The following PREX1 variants were observed in gnomAD, a reference collection of about 807,000 sequenced individuals.
PREX1 encodes the protein phosphatidylinositol 3,4,5-trisphosphate-dependent Rac exchanger 1 protein.
In PREX1, 41 loss-of-function variants were observed where a neutral mutation model predicts 198.3. That is an observed-to-expected ratio of 0.21 (90% CI 0.16 to 0.27). The LOEUF (loss-of-function observed/expected upper bound fraction) is 0.27, where lower values mean the gene tolerates loss of function less well. Among genes scored for constraint, PREX1 ranks in the 10% least tolerant of loss-of-function variants. The pLI, the probability that PREX1 is intolerant of heterozygous loss-of-function variation, is 1.00. For synonymous variants in PREX1, 843 were observed against 887.2 expected, an observed-to-expected ratio of 0.95 and a Z score of 0.89; for missense variants, 1,620 against 2,200.7, an observed-to-expected ratio of 0.74 and a Z score of 5.28.
At chr20:48,860,554 A>G in the PREX1 span, among the ~76,000 whole-genome samples, 1 of 152,218 alleles carries the variant, frequency 6.6e-6, no homozygotes, top group African/African-American at 2.4e-5. Context: ...CACAACTAAA[A>G]ATTCCTTAAA....
At chr20:48,764,759 G>A (rs1350820503) in intron 1 of PREX1, among the ~76,000 whole-genome samples, 2 of 146,934 alleles carry the variant, frequency 1.4e-5, no homozygotes, top group Non-Finnish European at 3.0e-5. Flanking sequence ...TCCAACCTGG[G>A]AGACAGAGCA....
intron 1 of PREX1, among the ~76,000 whole-genome samples, chr20:48,771,082 C>T (rs2090233340): frequency 6.6e-6 from 1 of 152,124 alleles, no homozygotes; most frequent in South Asian, 2.1e-4. Flanking sequence ...ATCACACATT[C>T]TGACAGTGCC....
At chr20:48,673,121 G>A (rs1287566751) in intron 14 of PREX1, among the ~76,000 whole-genome samples, 1 of 152,166 alleles carries the variant, frequency 6.6e-6, no homozygotes, top group Non-Finnish European at 1.5e-5. Context: ...AGCTGACAAG[G>A]AGCGGACTCT....
At chr20:48,753,569 T>C (rs1378526074) in intron 1 of PREX1, among the ~76,000 whole-genome samples, 1 of 152,018 alleles carries the variant, frequency 6.6e-6, no homozygotes, top group Non-Finnish European at 1.5e-5. Context: ...AGTGACAAGG[T>C]CAAGAAATCC....
At position 48,730,075 on chromosome 20, in the gene PREX1, G is replaced by C. The variant is rs558253499; in HGVS notation, c.520-3684C>G. Among the ~76,000 whole-genome samples, 82 of 152,066 alleles carry C rather than the reference G, an allele frequency of 5.4e-4. No homozygotes were observed. In the South Asian group the frequency reaches 0.013, roughly 24 times the overall value. On this transcript the variant is annotated intron_variant, in intron 4 of 39. Transcript: ENST00000371941. ...GACAGGATCCTTCCCTGGAGCCCCA[G>C]GAGGGAGCACCCACCGACACCCTGA...
At chr20:48,705,388 T>C (rs1216258187) in intron 6 of PREX1, among the ~76,000 whole-genome samples, 2 of 152,202 alleles carry the variant, frequency 1.3e-5, no homozygotes, top group African/African-American at 2.4e-5. Context: ...ATCAAATTCA[T>C]GAATGATGCA....
At position 48,772,459 on chromosome 20, in the gene PREX1, C is replaced by G. The variant is rs535366699; in HGVS notation, c.220-24579G>C. 3.9e-5 allele frequency among the ~76,000 whole-genome samples: 6 copies of G among 152,262 alleles called. No individual in the cohort carries two copies. The South Asian group carries it at 1.2e-3, about 32-fold the overall frequency. On this transcript the variant is annotated intron_variant, in intron 1 of 39. Transcript: ENST00000371941. ...TGGCCATACCTGCAGAAGAGATGCCCCAGCCCAAGCAGTGCCATAGGAGGA... is the reference window on the plus strand; with the variant it reads ...TGGCCATACCTGCAGAAGAGATGCCGCAGCCCAAGCAGTGCCATAGGAGGA...
the PREX1 span, among the ~76,000 whole-genome samples, chr20:48,880,981 T>TAAAAAAAAA: frequency 7.6e-4 from 16 of 20,996 alleles, 4 homozygotes; most frequent in African/African-American, 4.2e-3. Context: ...AAACCATTGC[T>TAAAAAAAAA]AAAAAAAAAA....
rs767029286 is a variant in PREX1 at position 48,652,573 on chromosome 20, C to A, written c.2467+13G>T. On this transcript the variant is annotated intron_variant, in intron 21 of 39. Coordinates refer to ENST00000371941, the MANE Select transcript of PREX1 (RefSeq NM_020820.4). ...CTCTGGAAGCTCCTGTCATGCCATGCCCCGTCTATTACCTGAATCAGCCTG... is the reference window on the plus strand; with the variant it reads ...CTCTGGAAGCTCCTGTCATGCCATGACCCGTCTATTACCTGAATCAGCCTG... 18 of 1,601,408 alleles carry A rather than the reference C, an allele frequency of 1.1e-5. No homozygotes were observed. The highest frequency in any genetic ancestry group is 1.4e-5 in the Non-Finnish European group (16 of 1,172,328).
intron 15 of PREX1, among the ~76,000 whole-genome samples, chr20:48,663,626 T>G (rs1431429077): frequency 6.6e-6 from 1 of 152,268 alleles, no homozygotes; most frequent in African/African-American, 2.4e-5. Flanking sequence ...GCTGCTTTTG[T>G]GCTACAAAGG....
At chr20:48,876,234 T>G in the PREX1 span, among the ~76,000 whole-genome samples, 19 of 152,048 alleles carry the variant, frequency 1.2e-4, no homozygotes, top group African/African-American at 3.4e-4. Context: ...CACCCAAGAC[T>G]GCTGTTAAGA....
At chr20:48,640,741 A>G (rs1467455485) in intron 29 of PREX1, among the ~76,000 whole-genome samples, 2 of 148,980 alleles carry the variant, frequency 1.3e-5, no homozygotes, top group African/African-American at 4.9e-5. Context: ...GATGTACAGA[A>G]GCATGAATGG....
At chr20:48,763,438 C>G (rs2090193278) in intron 1 of PREX1, among the ~76,000 whole-genome samples, 1 of 152,174 alleles carries the variant, frequency 6.6e-6, no homozygotes, top group Non-Finnish European at 1.5e-5. Context: ...GGCGGGGTGG[C>G]TGGACATCCT....
chr20:48,632,517 G>A lies in PREX1; in HGVS notation c.4390C>T (p.His1464Tyr). The change falls in exon 34 of 40, where the codon CAC (histidine) becomes TAC (tyrosine). Residue 1464 changes from histidine (H) to tyrosine (Y), a missense_variant. Transcript: ENST00000371941. The stretch of plus-strand genomic sequence containing the variant: ...TCACCTTTCGTGAACAGCGCTGTGT[G>A]CAGCCTCAGGCTGGCCCCACCCTCC... ...RLEGGASLRL[H>Y]TALFTKVLEN... is the part of the protein sequence containing the mutation. 6.2e-7 allele frequency: 1 copy of A among 1,614,038 alleles called. No individual in the cohort carries two copies. The highest frequency in any genetic ancestry group is 8.5e-7 in the Non-Finnish European group (1 of 1,179,996).
chr20:48,656,199 C>A (rs1312870418), intron 18 of PREX1, among the ~76,000 whole-genome samples: 22 of 152,186 alleles, frequency 1.4e-4, no homozygotes, highest in Admixed American at 1.4e-3. Flanking sequence ...AAGTGAAAAA[C>A]CAGATGCATA....
chr20:48,633,703 C>T (rs994255652), intron 33 of PREX1, among the ~76,000 whole-genome samples: 1 of 152,040 alleles, frequency 6.6e-6, no homozygotes, highest in Non-Finnish European at 1.5e-5. Context: ...AGAAGCAAGC[C>T]CAGAAGTTCC....
At chr20:48,708,536 A>G (rs1044155426) in intron 5 of PREX1, 115 bp from the exon 6 acceptor site, 2 of 1,146,506 alleles carry the variant, frequency 1.7e-6, no homozygotes, top group African/African-American at 1.5e-5. Context: ...GGTGGACATT[A>G]CATTCTAGTA....
At chr20:48,877,276 A>G in the PREX1 span, among the ~76,000 whole-genome samples, 1 of 152,096 alleles carries the variant, frequency 6.6e-6, no homozygotes, top group Non-Finnish European at 1.5e-5. Context: ...CATCTCAAAA[A>G]AAAAAAAAGA....
intron 15 of PREX1, among the ~76,000 whole-genome samples, chr20:48,664,301 G>C (rs992398308): frequency 5.9e-5 from 9 of 151,900 alleles, no homozygotes; most frequent in African/African-American, 2.2e-4. Flanking sequence ...CGTGAACCCA[G>C]GAGGTGGAGC....
Sources: allele counts gnomAD v4.1 joint callset (sites outside exome capture counted in the v4.1 genomes callset), GRCh38; gene constraint gnomAD v4.1.1; transcripts MANE v1.5; gene names NCBI Gene and HGNC (gene_info 2026-07-23, HGNC 2026-07-21).